The following TNR variants were observed in gnomAD, a reference collection of about 807,000 sequenced individuals.
TNR encodes tenascin R.
Under a neutral mutation model 150.4 loss-of-function variants are expected in TNR, and 45 were observed. The ratio of observed to expected loss-of-function variants is 0.30; its 90% CI spans 0.24 to 0.38. The LOEUF is 0.38. TNR is among the 10% of genes least tolerant of loss of function. The probability of loss-of-function intolerance (pLI) is 1.00; values close to 1 mark genes in which losing one functional copy is unlikely to be tolerated. For missense variants in TNR, 1,544 were observed against 1,759.1 expected (o/e 0.88, Z 2.19); for synonymous variants, 687 against 678.4 (o/e 1.01, Z -0.20).
intron 1 of TNR, among the ~76,000 whole-genome samples, chr1:175,596,614 A>G (rs1166729428): frequency 6.6e-6 from 1 of 152,248 alleles, no homozygotes; most frequent in African/African-American, 2.4e-5. Context: ...AAATCATTGA[A>G]ATAATTTCTC....
chr1:175,636,404 C>A (rs1047725653), intron 1 of TNR, among the ~76,000 whole-genome samples: 18 of 152,022 alleles, frequency 1.2e-4, no homozygotes, highest in African/African-American at 3.9e-4. Context: ...CTTCTCCATG[C>A]CCCTGACTCA....
chr1:175,391,811 C>T (rs1557903401), intron 6 of TNR, among the ~76,000 whole-genome samples: 3 of 152,308 alleles, frequency 2.0e-5, no homozygotes, highest in South Asian at 4.1e-4. Context: ...TGGCATTTAT[C>T]GTAATGAACA....
intron 1 of TNR, among the ~76,000 whole-genome samples, chr1:175,732,966 T>C (rs1667681909): frequency 6.6e-6 from 1 of 152,180 alleles, no homozygotes; most frequent in Non-Finnish European, 1.5e-5. Flanking sequence ...AGTTGGTGAT[T>C]TCTAAATCCA....
At chr1:175,532,840 T>A (rs1660126480) in intron 1 of TNR, among the ~76,000 whole-genome samples, 1 of 152,158 alleles carries the variant, frequency 6.6e-6, no homozygotes, top group South Asian at 2.1e-4. Flanking sequence ...TGCTTGAGTG[T>A]CCTTACAACT....
intron 1 of TNR, among the ~76,000 whole-genome samples, chr1:175,637,078 A>T (rs948636709): frequency 6.6e-6 from 1 of 152,238 alleles, no homozygotes; most frequent in Non-Finnish European, 1.5e-5. Flanking sequence ...AATATCAGCC[A>T]GTTAGTCCCT....
At chr1:175,425,868 A>G (rs1173164726) in intron 2 of TNR, among the ~76,000 whole-genome samples, 4 of 152,186 alleles carry the variant, frequency 2.6e-5, no homozygotes, top group African/African-American at 9.7e-5. Context: ...TTGGGGTTAA[A>G]CAGCTGTCAC....
intron 2 of TNR, among the ~76,000 whole-genome samples, chr1:175,456,269 A>C (rs1571465457): frequency 6.6e-6 from 1 of 152,272 alleles, no homozygotes; most frequent in Non-Finnish European, 1.5e-5. Context: ...ATGTTATTTG[A>C]GTGAAGGGCC....
At chr1:175,742,823 G>T (rs1398279708) in intron 1 of TNR, among the ~76,000 whole-genome samples, 1 of 152,090 alleles carries the variant, frequency 6.6e-6, no homozygotes, top group South Asian at 2.1e-4. Flanking sequence ...TGGATGGCTT[G>T]TCGGGAGAGA....
intron 8 of TNR, among the ~76,000 whole-genome samples, chr1:175,384,998 C>T (rs1010727459): frequency 1.3e-5 from 2 of 152,184 alleles, no homozygotes; most frequent in Non-Finnish European, 2.9e-5. Flanking sequence ...GGCTCTTATG[C>T]CACAGTCTAA....
chr1:175,355,000 AT>A (rs1409502113), intron 17 of TNR, among the ~76,000 whole-genome samples: 3 of 152,188 alleles, frequency 2.0e-5, no homozygotes, highest in Non-Finnish European at 4.4e-5. Context: ...TAAAACAAAA[AT>A]TTGTTGTTTC....
At chr1:175,350,059 T>C (rs868111375) in intron 18 of TNR, among the ~76,000 whole-genome samples, 36 of 152,338 alleles carry the variant, frequency 2.4e-4, no homozygotes, top group Middle Eastern at 3.4e-3. Flanking sequence ...AGTATGTGAA[T>C]TTCCATGATC....
rs563086496 is a variant in TNR, at chr1:175,528,151, C to G, written c.-64+118G>C. The G allele has an allele frequency of 1.2e-4, 18 of 152,312 alleles. No individual in the cohort carries two copies. In the South Asian group the frequency reaches 1.7e-3, roughly 14 times the overall value. 9.4% of individuals were successfully genotyped at this position (152,312 alleles called of 1,614,324 possible). On this transcript the variant is annotated intron_variant, in intron 2 of 22. Transcript: ENST00000367674. ...GACCACCTCATTTCAAGGAGACTAGCCCCCAGGGTGTTGTTCCAGTAACAA... is the reference window on the plus strand; with the variant it reads ...GACCACCTCATTTCAAGGAGACTAGGCCCCAGGGTGTTGTTCCAGTAACAA...
At chr1:175,704,133 T>C (rs1467822682) in intron 1 of TNR, among the ~76,000 whole-genome samples, 1 of 152,210 alleles carries the variant, frequency 6.6e-6, no homozygotes, top group Non-Finnish European at 1.5e-5. Flanking sequence ...ATAGTGGTGA[T>C]AGTTGCTGCA....
chr1:175,393,978 TC>T lies in TNR; in HGVS notation c.1241-84del, dbSNP rs1653301367. 2.8e-6 allele frequency: 3 copies of T among 1,089,272 alleles called. No homozygotes were observed. The East Asian group carries it at 7.1e-5, about 26-fold the overall frequency. 67.5% of individuals were successfully genotyped at this position (1,089,272 alleles called of 1,614,324 possible). A position where few individuals can be genotyped will look rare whatever the true frequency, so the allele number is the denominator to read the frequency against. On this transcript the variant is annotated intron_variant, in intron 5 of 22. Coordinates refer to ENST00000367674, the MANE Select transcript of TNR (RefSeq NM_003285.3). ...TGCCTGGTGCTTTGTCTTGGTGAAC[TC>T]CCTCCACGCCATGGGCGTGGTGGTG...
intron 1 of TNR, among the ~76,000 whole-genome samples, chr1:175,607,193 CA>C (rs1663437116): frequency 6.6e-6 from 1 of 152,090 alleles, no homozygotes; most frequent in Non-Finnish European, 1.5e-5. Context: ...TTTCCTTTGC[CA>C]ATGGTGGACA....
At chr1:175,710,420 G>A (rs1666977018) in intron 1 of TNR, among the ~76,000 whole-genome samples, 1 of 152,086 alleles carries the variant, frequency 6.6e-6, no homozygotes, top group African/African-American at 2.4e-5. Flanking sequence ...GTCTCCCAGG[G>A]GAGCTTCTAA....
chr1:175,454,268 C>A (rs1390160320), intron 2 of TNR, among the ~76,000 whole-genome samples: 1 of 152,148 alleles, frequency 6.6e-6, no homozygotes, highest in Non-Finnish European at 1.5e-5. Flanking sequence ...CAGGCAGAGG[C>A]CAGAGAATGT....
intron 2 of TNR, among the ~76,000 whole-genome samples, chr1:175,498,674 G>A (rs1232584651): frequency 3.3e-5 from 5 of 152,194 alleles, no homozygotes; most frequent in Non-Finnish European, 7.3e-5. Flanking sequence ...AAGCAGAGAA[G>A]GAATATGGTA....
At chr1:175,362,349 C>G (rs1016419623) in intron 14 of TNR, among the ~76,000 whole-genome samples, 1 of 152,206 alleles carries the variant, frequency 6.6e-6, no homozygotes, top group Admixed American at 6.5e-5. Context: ...TTTACAAAAT[C>G]AGATGAATGA....
Sources: gnomAD v4.1 joint callset for allele counts (sites outside exome capture counted in the v4.1 genomes callset) on GRCh38, gnomAD v4.1.1 for gene constraint, MANE v1.5 for transcripts, NCBI Gene and HGNC (gene_info 2026-07-23, HGNC 2026-07-21) for gene names.